Variants in RIT2 observed in about 807,000 individuals in gnomAD.
RIT2 encodes the protein GTP-binding protein Rit2.
Under a neutral mutation model 23.7 loss-of-function variants are expected in RIT2, and 24 were observed. That is an observed-to-expected ratio of 1.01 (90% confidence interval 0.73 to 1.43). The LOEUF (loss-of-function observed/expected upper bound fraction) is 1.43. Ranked by LOEUF, RIT2 falls within the 40% of genes most tolerant of loss-of-function variation. RIT2 has a pLI of 0.00. For missense variants in RIT2, 236 were observed against 266.9 expected (o/e 0.88, Z 0.81); for synonymous variants, 107 against 91.1 (o/e 1.17, Z -0.99).
At chr18:42,752,177 A>G (rs1029180123) in intron 4 of RIT2, among the ~76,000 whole-genome samples, 5 of 152,108 alleles carry the variant, frequency 3.3e-5, no homozygotes. Context: ...AATTTTTAGG[A>G]CCACAGCAGT....
At chr18:42,845,004 G>A (rs1249456519) in intron 4 of RIT2, among the ~76,000 whole-genome samples, 1 of 152,116 alleles carries the variant, frequency 6.6e-6, no homozygotes, top group Non-Finnish European at 1.5e-5. Flanking sequence ...GGACATTGCT[G>A]TCCATTATTG....
intron 3 of RIT2, among the ~76,000 whole-genome samples, chr18:42,960,645 G>A (rs1273410296): frequency 2.6e-5 from 4 of 152,098 alleles, no homozygotes; most frequent in Admixed American, 6.6e-5. Flanking sequence ...ACTCCTCAAT[G>A]ATCATGAGTC....
chr18:42,821,531 C>T (rs927389648), intron 4 of RIT2, among the ~76,000 whole-genome samples: 2 of 151,952 alleles, frequency 1.3e-5, no homozygotes, highest in African/African-American at 4.8e-5. Flanking sequence ...CTATGGTTGT[C>T]AAGACTGGAA....
intron 4 of RIT2, among the ~76,000 whole-genome samples, chr18:42,904,897 GAGATA>G (rs1196091226): frequency 1.3e-5 from 2 of 152,042 alleles, no homozygotes; most frequent in Non-Finnish European, 2.9e-5. Context: ...ACAGAAGGAA[GAGATA>G]AAATTTAACA....
intron 1 of RIT2, among the ~76,000 whole-genome samples, chr18:43,105,505 G>GAAGAGAGGAAGA (rs1324947980): frequency 4.8e-4 from 50 of 105,212 alleles, no homozygotes; most frequent in Admixed American, 5.3e-4. Flanking sequence ...AGAAAGGGAG[G>GAAGAGAGGAAGA]GAGGGAGGGA....
intron 4 of RIT2, among the ~76,000 whole-genome samples, chr18:42,911,685 A>C (rs1908773573): frequency 6.6e-6 from 1 of 152,054 alleles, no homozygotes. Context: ...CAGTTCAGTA[A>C]GGTGGAAGGA....
At chr18:42,961,881 G>C (rs1037860266) in intron 3 of RIT2, among the ~76,000 whole-genome samples, 2 of 152,102 alleles carry the variant, frequency 1.3e-5, no homozygotes, top group Non-Finnish European at 2.9e-5. Context: ...GTGAGAGTAC[G>C]CATTTTCCAT....
intron 4 of RIT2, among the ~76,000 whole-genome samples, chr18:42,782,608 A>AT (rs1227595987): frequency 6.6e-6 from 1 of 152,150 alleles, no homozygotes; most frequent in African/African-American, 2.4e-5. Context: ...AAAGAAAAGA[A>AT]TAGCATACAA....
chr18:42,877,030 A>G (rs550300963), intron 4 of RIT2, among the ~76,000 whole-genome samples: 53 of 151,980 alleles, frequency 3.5e-4, no homozygotes, highest in African/African-American at 1.3e-3. Context: ...CACAGAGAAC[A>G]TTTATTCTAC....
intron 1 of RIT2, among the ~76,000 whole-genome samples, chr18:43,076,841 T>C (rs74736220): frequency 0.069 from 10,454 of 152,072 alleles, 750 homozygotes; most frequent in East Asian, 0.36. Context: ...CGGTGGCTCA[T>C]GCCTGTAATC....
At chr18:42,853,115 T>C (rs1907099634) in intron 4 of RIT2, among the ~76,000 whole-genome samples, 1 of 152,206 alleles carries the variant, frequency 6.6e-6, no homozygotes. Flanking sequence ...ATTACAGGCA[T>C]GAGCCACCAT....
At chr18:42,901,649 T>C (rs1747568382) in intron 4 of RIT2, among the ~76,000 whole-genome samples, 1 of 152,064 alleles carries the variant, frequency 6.6e-6, no homozygotes. Context: ...GTATAACTCA[T>C]TAAATCAATA....
intron 4 of RIT2, among the ~76,000 whole-genome samples, chr18:42,910,213 A>C (rs1908730985): frequency 6.6e-6 from 1 of 152,150 alleles, no homozygotes; most frequent in Admixed American, 6.6e-5. Flanking sequence ...GCGAAAACAG[A>C]AAACAAATAA....
At chr18:42,835,322 T>TCA (rs954311753) in intron 4 of RIT2, among the ~76,000 whole-genome samples, 3 of 150,694 alleles carry the variant, frequency 2.0e-5, no homozygotes, top group South Asian at 4.2e-4. Context: ...ACACACACAC[T>TCA]CACACACACA....
chr18:42,885,446 C>T (rs1289346067), intron 4 of RIT2, among the ~76,000 whole-genome samples: 6 of 152,084 alleles, frequency 3.9e-5, no homozygotes, highest in Middle Eastern at 3.4e-3. Flanking sequence ...ATTAGCCAGG[C>T]GTGGTGGCGG....
At chr18:43,101,919 C>T (rs1295910842) in intron 1 of RIT2, among the ~76,000 whole-genome samples, 3 of 152,000 alleles carry the variant, frequency 2.0e-5, no homozygotes, top group African/African-American at 4.8e-5. Context: ...GCTAGCTAAA[C>T]AAAAAATAGA....
At chr18:43,091,750 T>G (rs1913427965) in intron 1 of RIT2, among the ~76,000 whole-genome samples, 1 of 152,060 alleles carries the variant, frequency 6.6e-6, no homozygotes, top group South Asian at 2.1e-4. Context: ...GACCTTTGGA[T>G]TATGCGTTAT....
chr18:43,025,207 T>TAAAAA (rs1456319395), intron 2 of RIT2, among the ~76,000 whole-genome samples: 2 of 104,260 alleles, frequency 1.9e-5, no homozygotes, highest in East Asian at 5.2e-4. Context: ...AGATTCTGTC[T>TAAAAA]AAAAAAAACA....
intron 2 of RIT2, among the ~76,000 whole-genome samples, chr18:42,979,295 A>G (rs1266697206): frequency 6.6e-6 from 1 of 152,090 alleles, no homozygotes; most frequent in East Asian, 1.9e-4. Context: ...GACCACCAAA[A>G]TATATAACTA....
Sources: gnomAD v4.1 joint callset for allele counts (sites outside exome capture counted in the v4.1 genomes callset) on GRCh38, gnomAD v4.1.1 for gene constraint, MANE v1.5 for transcripts, NCBI Gene and HGNC (gene_info 2026-07-23, HGNC 2026-07-21) for gene names.